Variants in NEMP2 observed in about 807,000 individuals in gnomAD.
The protein encoded by NEMP2 is nuclear envelope integral membrane protein 2, also known as UPF0571 transmembrane protein.
A neutral mutation model predicts 54.2 loss-of-function variants in NEMP2; 53 were observed. The ratio of observed to expected loss-of-function variants is 0.98; its 90% CI spans 0.78 to 1.23. The LOEUF (loss-of-function observed/expected upper bound fraction) is 1.23. Ranked by LOEUF, NEMP2 falls within the 50% of genes most tolerant of loss-of-function variation. The pLI is 0.00. For synonymous variants in NEMP2, 197 were observed against 190.3 expected (o/e 1.04, Z -0.29); for missense variants, 455 against 511.3 (o/e 0.89, Z 1.06).
rs1447554898 is a variant in NEMP2 at position 190,510,860 on chromosome 2, G to A, written c.954-323C>T. Among the ~76,000 whole-genome samples, 9 of 146,512 alleles carry A rather than the reference G, an allele frequency of 6.1e-5. No individual in the cohort carries two copies. The highest frequency in any genetic ancestry group is 2.0e-4 in the East Asian group (1 of 4,964). On this transcript the variant is annotated intron_variant, in intron 7 of 8. Transcript: ENST00000409150. The surrounding 1 kb of genome is among the most constrained non-coding windows in gnomAD (Gnocchi z 5.7). The stretch of plus-strand genomic sequence containing the variant: ...CGCGCCACTGCACTCCAGCCTGGGC[G>A]ACAGAGGGAGACTCCGTCTCAAAAA...
the NEMP2 span, among the ~76,000 whole-genome samples, chr2:190,476,327 C>T: frequency 6.6e-6 from 1 of 152,132 alleles, no homozygotes; most frequent in Non-Finnish European, 1.5e-5. Flanking sequence ...GGGCTAATAT[C>T]CAGAATCTAC....
the NEMP2 span, among the ~76,000 whole-genome samples, chr2:190,463,438 T>C: frequency 6.6e-6 from 1 of 152,192 alleles, no homozygotes; most frequent in African/African-American, 2.4e-5. This position sits in a 1 kb window ranked among gnomAD's most constrained non-coding sequence, Gnocchi z 4.4. Context: ...CAGCAGCTGA[T>C]GTCTGCCACT....
At chr2:190,483,350 C>G in the NEMP2 span, among the ~76,000 whole-genome samples, 108 of 152,198 alleles carry the variant, frequency 7.1e-4, 1 homozygote, top group Middle Eastern at 6.8e-3. Flanking sequence ...ACTTGGACAC[C>G]TTGGGTTCAA....
the NEMP2 span, among the ~76,000 whole-genome samples, chr2:190,647,651 T>TA: frequency 2.0e-5 from 3 of 151,688 alleles, no homozygotes; most frequent in African/African-American, 4.8e-5. Flanking sequence ...AATATAGATT[T>TA]AAAAAACAGA....
upstream of NEMP2, among the ~76,000 whole-genome samples, chr2:190,537,342 T>A (rs372357111): frequency 3.3e-5 from 5 of 152,136 alleles, no homozygotes; most frequent in East Asian, 5.8e-4. Context: ...GTTCCCATAA[T>A]CCCCACACAT....
the NEMP2 span, among the ~76,000 whole-genome samples, chr2:190,475,657 A>G: frequency 8.5e-4 from 129 of 152,206 alleles, no homozygotes; most frequent in Non-Finnish European, 1.6e-3. Flanking sequence ...TATAGATTCA[A>G]TGCCATCCCC....
chr2:190,441,265 G>T, the NEMP2 span, among the ~76,000 whole-genome samples: 15 of 151,862 alleles, frequency 9.9e-5, no homozygotes, highest in Non-Finnish European at 1.6e-4. Flanking sequence ...ACTTGGGTTC[G>T]GCTAATGTAT....
chr2:190,435,117 G>A, the NEMP2 span, among the ~76,000 whole-genome samples: 55 of 152,274 alleles, frequency 3.6e-4, no homozygotes, highest in Non-Finnish European at 7.1e-4. Context: ...AGTCCCTGGT[G>A]CCAAAATGGT....
At chr2:190,445,775 A>ATACT in the NEMP2 span, among the ~76,000 whole-genome samples, 1 of 151,044 alleles carries the variant, frequency 6.6e-6, no homozygotes, top group African/African-American at 2.4e-5. Flanking sequence ...TTTCATTAGA[A>ATACT]TACTTACTTT....
At chr2:190,526,396 A>G (rs932291555) in intron 1 of NEMP2, among the ~76,000 whole-genome samples, 1 of 152,228 alleles carries the variant, frequency 6.6e-6, no homozygotes, top group African/African-American at 2.4e-5. Context: ...CTGAGAATAG[A>G]TCTACACCAA....
the NEMP2 span, among the ~76,000 whole-genome samples, chr2:190,647,785 G>C: frequency 1.5e-5 from 2 of 129,774 alleles, no homozygotes; most frequent in African/African-American, 5.8e-5. Flanking sequence ...CACGATCTTG[G>C]CTCACTGCAA....
chr2:190,631,260 T>G, the NEMP2 span, among the ~76,000 whole-genome samples: 1 of 152,142 alleles, frequency 6.6e-6, no homozygotes, highest in Non-Finnish European at 1.5e-5. Context: ...AACAGCAGGA[T>G]GATCACACAA....
the NEMP2 span, among the ~76,000 whole-genome samples, chr2:190,602,350 T>G: frequency 1.3e-5 from 2 of 152,258 alleles, no homozygotes; most frequent in Non-Finnish European, 2.9e-5. Flanking sequence ...TATTGCAGAC[T>G]GGAGGAGAAT....
chr2:190,456,234 C>A, the NEMP2 span, among the ~76,000 whole-genome samples: 199 of 152,260 alleles, frequency 1.3e-3, no homozygotes, highest in African/African-American at 3.9e-3. This position sits in a 1 kb window ranked among gnomAD's most constrained non-coding sequence, Gnocchi z 5.4. Flanking sequence ...AGCCACCATG[C>A]CTGGCCTGCT....
At chr2:190,434,983 G>A in the NEMP2 span, among the ~76,000 whole-genome samples, 8 of 152,282 alleles carry the variant, frequency 5.3e-5, no homozygotes, top group East Asian at 1.9e-4. This position sits in a 1 kb window ranked among gnomAD's most constrained non-coding sequence, Gnocchi z 4.3. Flanking sequence ...CTGTGCATGC[G>A]AGGGATGTAG....
the NEMP2 span, among the ~76,000 whole-genome samples, chr2:190,424,232 CTTCT>C: frequency 2.8e-4 from 31 of 112,018 alleles, no homozygotes; most frequent in African/African-American, 9.4e-4. This position sits in a 1 kb window ranked among gnomAD's most constrained non-coding sequence, Gnocchi z 5.9. Flanking sequence ...AGATTTTCTT[CTTCT>C]TTTTTTTTTT....
chr2:190,536,244 CTT>C (rs1574327614), upstream of NEMP2, among the ~76,000 whole-genome samples: 1 of 152,180 alleles, frequency 6.6e-6, no homozygotes, highest in Non-Finnish European at 1.5e-5. Flanking sequence ...CCTCTCCAAA[CTT>C]TTCTTCTGTA....
chr2:190,497,834 G>A, the NEMP2 span: 5 of 1,253,184 alleles, frequency 4.0e-6, no homozygotes, highest in Non-Finnish European at 5.5e-6. The surrounding 1 kb of genome is among the most constrained non-coding windows in gnomAD (Gnocchi z 5.2). Context: ...TCTGGTGGGG[G>A]AAATAGACAT....
chr2:190,626,885 G>C, the NEMP2 span: 1 of 152,168 alleles, frequency 6.6e-6, no homozygotes, highest in East Asian at 1.9e-4. The surrounding 1 kb of genome is among the most constrained non-coding windows in gnomAD (Gnocchi z 4.5). Flanking sequence ...GGAATCACAT[G>C]ATTAACACTT....
Sources: gnomAD v4.1 joint callset for allele counts (sites outside exome capture counted in the v4.1 genomes callset) on GRCh38, gnomAD v4.1.1 for gene constraint, Gnocchi (gnomAD v3.1) non-coding constraint, MANE v1.5 for transcripts, NCBI Gene and HGNC (gene_info 2026-07-23, HGNC 2026-07-21) for gene names.